Variants in FHIT observed in about 807,000 individuals in gnomAD.
The protein encoded by FHIT is bis(5'-adenosyl)-triphosphatase.
Under a neutral mutation model 17.9 loss-of-function variants are expected in FHIT, and 19 were observed. The ratio of observed to expected loss-of-function variants is 1.06; its 90% CI spans 0.74 to 1.56. The LOEUF is 1.56. FHIT is among the 40% of genes most tolerant of loss of function. The pLI is 0.00. For missense variants in FHIT, 248 were observed against 189.2 expected (o/e 1.31, Z -1.82); for synonymous variants, 81 against 69.7 (o/e 1.16, Z -0.81).
At chr3:60,016,625 C>A (rs1373309786) in intron 5 of FHIT, among the ~76,000 whole-genome samples, 1 of 152,198 alleles carries the variant, frequency 6.6e-6, no homozygotes, top group Non-Finnish European at 1.5e-5. Flanking sequence ...CATTACAACA[C>A]AGAGAGATGA....
chr3:59,813,964 CTGA>C (rs1700500648), intron 8 of FHIT, among the ~76,000 whole-genome samples: 1 of 151,814 alleles, frequency 6.6e-6, no homozygotes, highest in Non-Finnish European at 1.5e-5. Flanking sequence ...CACAAATGAC[CTGA>C]TGTCATAGTT....
At chr3:60,438,072 A>G (rs566356320) in intron 5 of FHIT, among the ~76,000 whole-genome samples, 6 of 152,212 alleles carry the variant, frequency 3.9e-5, no homozygotes, top group African/African-American at 1.4e-4. Context: ...CAAGGAAGTA[A>G]TCATGTCCTT....
In FHIT at chr3:60,477,940, A is replaced by C. The variant is rs569606910; in HGVS notation, c.103+58920T>G. Among the ~76,000 whole-genome samples, 55 of 152,202 alleles carry C rather than the reference A, an allele frequency of 3.6e-4. No homozygotes were observed. In the South Asian group the frequency reaches 0.01, roughly 28 times the overall value. The stretch of plus-strand genomic sequence containing the variant: ...GGTCTAGTTTGAGTTCTGCTTGCTC[A>C]CCCCTGGAAGGAGAAAGTGCATACC... On this transcript the variant is annotated intron_variant, in intron 5 of 9. Coordinates refer to ENST00000492590, the MANE Select transcript of FHIT (RefSeq NM_002012.4).
intron 5 of FHIT, among the ~76,000 whole-genome samples, chr3:60,054,794 T>C (rs2106897568): frequency 6.6e-6 from 1 of 152,336 alleles, no homozygotes; most frequent in Non-Finnish European, 1.5e-5. Flanking sequence ...CCTTCAGATC[T>C]CTTTCTACAC....
At chr3:60,797,565 C>A (rs1701028756) in intron 4 of FHIT, among the ~76,000 whole-genome samples, 1 of 150,906 alleles carries the variant, frequency 6.6e-6, no homozygotes, top group Non-Finnish European at 1.5e-5. Flanking sequence ...GTTCAGAGGT[C>A]TCACAAATTC....
chr3:61,051,289 G>C (rs749434417), intron 2 of FHIT, among the ~76,000 whole-genome samples: 4 of 145,672 alleles, frequency 2.7e-5, no homozygotes, highest in Admixed American at 6.9e-5. Flanking sequence ...GTTTGTTTTT[G>C]AGACAGGGTC....
intron 3 of FHIT, among the ~76,000 whole-genome samples, chr3:61,035,251 C>G (rs543947673): frequency 1.3e-5 from 2 of 152,308 alleles, no homozygotes; most frequent in African/African-American, 4.8e-5. Context: ...TTAAACGCCA[C>G]TGGATTGCTC....
intron 5 of FHIT, among the ~76,000 whole-genome samples, chr3:60,112,714 A>T (rs74860035): frequency 2.0e-5 from 3 of 152,222 alleles, no homozygotes; most frequent in East Asian, 1.9e-4. Context: ...GATAGAATGG[A>T]AACTACATAA....
intron 3 of FHIT, among the ~76,000 whole-genome samples, chr3:60,928,778 C>T (rs1707793476): frequency 6.6e-6 from 1 of 152,196 alleles, no homozygotes; most frequent in African/African-American, 2.4e-5. Context: ...CCGAATTCTA[C>T]CAGAAGTGCA....
intron 3 of FHIT, among the ~76,000 whole-genome samples, chr3:60,953,246 T>C (rs79667756): frequency 0.039 from 5,917 of 152,284 alleles, 374 homozygotes; most frequent in African/African-American, 0.13. Flanking sequence ...TGTCATTTTA[T>C]ACTGTCGTAA....
At chr3:60,530,507 T>A (rs1001918028) in intron 5 of FHIT, among the ~76,000 whole-genome samples, 1 of 152,250 alleles carries the variant, frequency 6.6e-6, no homozygotes, top group South Asian at 2.1e-4. Flanking sequence ...AATAAAGATG[T>A]CAGTCTCGGC....
chr3:60,464,768 AC>A (rs2032690370), intron 5 of FHIT, among the ~76,000 whole-genome samples: 1 of 152,052 alleles, frequency 6.6e-6, no homozygotes, highest in Non-Finnish European at 1.5e-5. Context: ...TCTGTTAGGG[AC>A]ACTTAGGTTG....
At chr3:60,738,031 T>C (rs2042167156) in intron 4 of FHIT, among the ~76,000 whole-genome samples, 1 of 152,112 alleles carries the variant, frequency 6.6e-6, no homozygotes, top group Non-Finnish European at 1.5e-5. Flanking sequence ...CCTTGAGAAT[T>C]GTAGAGTACC....
At chr3:59,824,344 C>A (rs1047160095) in intron 8 of FHIT, among the ~76,000 whole-genome samples, 1 of 152,224 alleles carries the variant, frequency 6.6e-6, no homozygotes, top group African/African-American at 2.4e-5. Flanking sequence ...GAGGCAGAGA[C>A]CTTGCATTGC....
chr3:60,563,781 T>C (rs1239996136), intron 4 of FHIT, among the ~76,000 whole-genome samples: 2 of 152,104 alleles, frequency 1.3e-5, no homozygotes, highest in Admixed American at 6.6e-5. Context: ...AGAAAACAAG[T>C]CTGAAGCTAG....
chr3:60,173,911 A>ATTTT lies in FHIT; in HGVS notation c.104-159760_104-159759insAAAA, dbSNP rs1559698600. On this transcript the variant is annotated intron_variant, in intron 5 of 9. Coordinates refer to ENST00000492590, the MANE Select transcript of FHIT (RefSeq NM_002012.4). ...TATATATATATATATATATATATAT[A>ATTTT]TATATGTTTTTTTTTTTTTTTGAGA... Among the ~76,000 whole-genome samples the ATTTT allele has an allele frequency of 2.7e-4, 19 of 69,640 alleles. 1 individual carries two copies. Among genetic ancestry groups the ATTTT allele is most frequent in the East Asian group, 7.5e-4 (1 of 1,336 alleles). The allele number at this position is 69,640 out of a possible 152,430, so 45.7% of individuals were successfully genotyped here. A position where few individuals can be genotyped will look rare whatever the true frequency, so the allele number is the denominator to read the frequency against.
intron 4 of FHIT, among the ~76,000 whole-genome samples, chr3:60,615,198 C>A (rs1183586004): frequency 6.6e-6 from 1 of 152,152 alleles, no homozygotes; most frequent in Non-Finnish European, 1.5e-5. Flanking sequence ...AATCTACTAT[C>A]TGGGGATAAT....
intron 4 of FHIT, among the ~76,000 whole-genome samples, chr3:60,591,459 T>A (rs1006525609): frequency 1.3e-5 from 2 of 152,064 alleles, no homozygotes; most frequent in Non-Finnish European, 2.9e-5. Context: ...CAGGAGCTAG[T>A]TCCAAGCAAA....
At chr3:61,049,246 A>C (rs147243503) in intron 2 of FHIT, among the ~76,000 whole-genome samples, 2,148 of 151,496 alleles carry the variant, frequency 0.014, 41 homozygotes, top group African/African-American at 0.044. Flanking sequence ...ATGTTACCAA[A>C]TAGAAGTTAT....
Sources: allele counts gnomAD v4.1 joint callset (sites outside exome capture counted in the v4.1 genomes callset), GRCh38; gene constraint gnomAD v4.1.1; transcripts MANE v1.5; gene names NCBI Gene and HGNC (gene_info 2026-07-23, HGNC 2026-07-21).